The following RSF1 variants were observed in gnomAD, a reference collection of about 807,000 sequenced individuals.
RSF1 encodes the protein remodeling and spacing factor 1, also known as HBV pX-associated protein 8.
A neutral mutation model predicts 145.2 loss-of-function variants in RSF1; 13 were observed. That is an observed-to-expected ratio of 0.09 (90% CI 0.06 to 0.14). The LOEUF is 0.14. Among genes scored for constraint, RSF1 ranks in the 10% least tolerant of loss-of-function variants. The pLI, the probability that RSF1 is intolerant of heterozygous loss-of-function variation, is 1.00. For synonymous variants in RSF1, 577 were observed against 592.6 expected, an observed-to-expected ratio of 0.97 and a Z score of 0.38; for missense variants, 1,517 against 1,718.2, an observed-to-expected ratio of 0.88 and a Z score of 2.07.
chr11:77,786,339 GA>G (rs1465879373), intron 1 of RSF1, among the ~76,000 whole-genome samples: 1 of 152,108 alleles, frequency 6.6e-6, no homozygotes, highest in African/African-American at 2.4e-5. Flanking sequence ...CAGAATATCT[GA>G]TCAGCACGCG....
At chr11:77,840,805 T>C in the RSF1 span, among the ~76,000 whole-genome samples, 1 of 152,090 alleles carries the variant, frequency 6.6e-6, no homozygotes, top group Non-Finnish European at 1.5e-5. Context: ...TTAGATAACA[T>C]ATTGTAGGAC....
At chr11:77,694,919 T>C (rs1163444354) in intron 7 of RSF1, among the ~76,000 whole-genome samples, 4 of 152,188 alleles carry the variant, frequency 2.6e-5, no homozygotes, top group Non-Finnish European at 5.9e-5. Flanking sequence ...TGTTTACTCA[T>C]GATTAGACTG....
chr11:77,773,428 C>G (rs1948308629), intron 1 of RSF1, among the ~76,000 whole-genome samples: 1 of 151,904 alleles, frequency 6.6e-6, no homozygotes, highest in South Asian at 2.1e-4. Flanking sequence ...ATTTTAAATA[C>G]AAAAAGCAGA....
At position 77,664,707 on chromosome 11, in the gene RSF1, T is replaced by G. The variant is rs2135801884; in HGVS notation, c.*2210A>C. 1 of 152,334 alleles carries G rather than the reference T, an allele frequency of 6.6e-6. No homozygotes were observed. Among genetic ancestry groups the G allele is most frequent in the Middle Eastern group, 3.4e-3 (1 of 294 alleles). The allele number at this position is 152,334 out of a possible 1,614,324, so 9.4% of individuals were successfully genotyped here. A position where few individuals can be genotyped will look rare whatever the true frequency, so the allele number is the denominator to read the frequency against. On this transcript the variant is annotated 3_prime_UTR_variant, in exon 16 of 16. Transcript: ENST00000308488. Reference sequence around the variant, plus strand: ...AGGGCACTTGTATATTCAAACCACTTACCTTGCACTAGTAGAAATCTTTAT... The same window carrying G: ...AGGGCACTTGTATATTCAAACCACTGACCTTGCACTAGTAGAAATCTTTAT...
intron 1 of RSF1, among the ~76,000 whole-genome samples, chr11:77,781,281 T>C (rs142453649): frequency 6.6e-6 from 1 of 152,280 alleles, no homozygotes; most frequent in East Asian, 1.9e-4. Flanking sequence ...GTATTTTTAA[T>C]AGAGATGGGG....
At chr11:77,751,005 A>C (rs1948056956) in intron 2 of RSF1, among the ~76,000 whole-genome samples, 1 of 152,050 alleles carries the variant, frequency 6.6e-6, no homozygotes, top group Admixed American at 6.6e-5. Context: ...CATCCTGGCC[A>C]CCAGTCTACT....
At chr11:77,797,434 G>A (rs772820948) in intron 1 of RSF1, among the ~76,000 whole-genome samples, 19 of 152,260 alleles carry the variant, frequency 1.2e-4, no homozygotes, top group Middle Eastern at 3.4e-3. Context: ...TTTAATAAAC[G>A]GTGTTGGGAA....
rs921962959 is a variant in RSF1 at position 77,661,265 on chromosome 11, G to C, written c.*5652C>G. ...TGGCAGGTTTGGGCAAGCTACAACA[G>C]ATACCATCTCAAGAAGCTACTTTGA... On this transcript the variant is annotated 3_prime_UTR_variant, in exon 16 of 16. Transcript: ENST00000308488. 3.9e-5 allele frequency: 6 copies of C among 152,110 alleles called. No individual in the cohort carries two copies. The highest frequency in any genetic ancestry group is 9.7e-5 in the African/African-American group (4 of 41,424). The allele number at this position is 152,110 out of a possible 1,614,324, so 9.4% of individuals were successfully genotyped here. A position where few individuals can be genotyped will look rare whatever the true frequency, so the allele number is the denominator to read the frequency against.
intron 1 of RSF1, among the ~76,000 whole-genome samples, chr11:77,809,031 A>G (rs1948706463): frequency 6.6e-6 from 1 of 152,204 alleles, no homozygotes; most frequent in Non-Finnish European, 1.5e-5. Context: ...TGTGGGGACA[A>G]AACACTGGTT....
In RSF1 at chr11:77,708,758, C is replaced by G. The variant is rs188524324; in HGVS notation, c.734-6263G>C. Among the ~76,000 whole-genome samples the G allele has an allele frequency of 2.0e-3, 311 of 152,338 alleles. 4 individuals carry two copies. The highest frequency in any genetic ancestry group is 6.8e-3 in the African/African-American group (282 of 41,584). On this transcript the variant is annotated intron_variant, in intron 5 of 15. Transcript: ENST00000308488. ...CACAATTGGCATGTCTCTCTCCCCCCTTTCAGAGCCTTACCTGCCTGACCT... is the reference window on the plus strand; with the variant it reads ...CACAATTGGCATGTCTCTCTCCCCCGTTTCAGAGCCTTACCTGCCTGACCT...
intron 1 of RSF1, among the ~76,000 whole-genome samples, chr11:77,770,544 T>G (rs1452402485): frequency 6.6e-6 from 1 of 152,118 alleles, no homozygotes; most frequent in Admixed American, 6.5e-5. Context: ...AAAAAATAAA[T>G]CCAAGAATAA....
chr11:77,675,156 G>A lies in RSF1; in HGVS notation c.3442C>T (p.Leu1148=). Residue 1148 remains leucine, a synonymous_variant, in exon 14 of 16, where the codon CTG becomes TTG. Transcript: ENST00000308488. ...DSDTDFCSRR[L]RRHPSRPMRQ... is the part of the protein sequence containing the mutation. ...ATTGGCCGAGAGGGGTGTCGCCTCA[G>A]TCTACGGCTACAAAAGTCAGTGTCA... is the stretch of plus-strand genomic sequence containing the variant. 6.2e-7 allele frequency: 1 copy of A among 1,614,174 alleles called. No homozygotes were observed. The highest frequency in any genetic ancestry group is 8.5e-7 in the Non-Finnish European group (1 of 1,180,034).
At chr11:77,752,463 G>A (rs779986476) in intron 2 of RSF1, among the ~76,000 whole-genome samples, 1 of 151,950 alleles carries the variant, frequency 6.6e-6, no homozygotes, top group Admixed American at 6.6e-5. Flanking sequence ...GTTTTTTCAC[G>A]CCCGCCCTAT....
At chr11:77,742,365 C>T (rs1407908860) in intron 3 of RSF1, among the ~76,000 whole-genome samples, 7 of 152,080 alleles carry the variant, frequency 4.6e-5, no homozygotes, top group Non-Finnish European at 7.4e-5. Context: ...CTGTAACCTC[C>T]GCCTCCTGGG....
chr11:77,742,546 G>A (rs376109248), intron 3 of RSF1, among the ~76,000 whole-genome samples: 70 of 152,262 alleles, frequency 4.6e-4, no homozygotes, highest in African/African-American at 1.6e-3. Context: ...CCAAAGTGCT[G>A]GGATTACAGG....
At chr11:77,724,409 T>C (rs991204328) in intron 5 of RSF1, among the ~76,000 whole-genome samples, 3 of 152,200 alleles carry the variant, frequency 2.0e-5, no homozygotes, top group Non-Finnish European at 2.9e-5. Context: ...ACTCAAGAGA[T>C]ATCTGTACAC....
At chr11:77,839,423 G>T in the RSF1 span, among the ~76,000 whole-genome samples, 2 of 152,154 alleles carry the variant, frequency 1.3e-5, no homozygotes, top group Admixed American at 1.3e-4. Context: ...ATTCCTCAAA[G>T]ACCTAGAACT....
intron 5 of RSF1, among the ~76,000 whole-genome samples, chr11:77,715,954 A>G (rs1960797524): frequency 6.6e-6 from 1 of 152,140 alleles, no homozygotes; most frequent in Non-Finnish European, 1.5e-5. Flanking sequence ...TTATACATTC[A>G]GTACATAAAC....
chr11:77,730,213 C>T (rs1236357459), intron 4 of RSF1, among the ~76,000 whole-genome samples: 2 of 151,998 alleles, frequency 1.3e-5, no homozygotes, highest in Admixed American at 1.3e-4. Flanking sequence ...GACTTTAGAG[C>T]CCTTCTTAAT....
Sources: allele counts gnomAD v4.1 joint callset (sites outside exome capture counted in the v4.1 genomes callset), GRCh38; gene constraint gnomAD v4.1.1; transcripts MANE v1.5; gene names NCBI Gene and HGNC (gene_info 2026-07-23, HGNC 2026-07-21).